Variants in SNAP25 observed in about 807,000 individuals in gnomAD.
SNAP25 encodes the protein synaptosomal-associated protein 25.
SNAP25 carries 3 observed loss-of-function variants against 28.7 expected under a neutral mutation model. The ratio of observed to expected loss-of-function variants is 0.10; its 90% CI spans 0.05 to 0.27. SNAP25 has a LOEUF of 0.27. Ranked by LOEUF, SNAP25 falls within the 10% of genes least tolerant of loss-of-function variation. The pLI, the probability that SNAP25 is intolerant of heterozygous loss-of-function variation, is 1.00. For missense variants in SNAP25, 117 were observed against 278.7 expected, an observed-to-expected ratio of 0.42 and a Z score of 4.13; for synonymous variants, 61 against 88.1, an observed-to-expected ratio of 0.69 and a Z score of 1.72.
intron 4 of SNAP25, among the ~76,000 whole-genome samples, chr20:10,289,189 C>T (rs983499865): frequency 6.6e-6 from 1 of 152,146 alleles, no homozygotes; most frequent in Non-Finnish European, 1.5e-5. Context: ...TATCGGGAGA[C>T]ACCAAGGAGC....
intron 6 of SNAP25, among the ~76,000 whole-genome samples, chr20:10,298,266 G>C (rs1300352466): frequency 1.3e-5 from 2 of 152,116 alleles, no homozygotes; most frequent in Non-Finnish European, 2.9e-5. Flanking sequence ...GTATCTCTTA[G>C]CTATTGATGA....
intron 1 of SNAP25, among the ~76,000 whole-genome samples, chr20:10,242,668 G>A (rs1269748154): frequency 6.6e-6 from 1 of 152,310 alleles, no homozygotes; most frequent in East Asian, 1.9e-4. Flanking sequence ...TGAGCTAACA[G>A]GAGGCCTGTT....
chr20:10,288,322 G>C lies in SNAP25; in HGVS notation c.163+3550G>C, dbSNP rs141767291. Among the ~76,000 whole-genome samples the C allele has an allele frequency of 6.9e-3, 1,046 of 152,082 alleles. 15 individuals are homozygous for C. The highest frequency in any genetic ancestry group is 6.6e-3 in the Non-Finnish European group (447 of 67,974). ...GTAGACTTAGGAAAGATTTAGAATA[G>C]AGCCTTTTCCCCCCGAACAATAAAG... On this transcript the variant is annotated intron_variant, in intron 4 of 7. Coordinates refer to ENST00000254976, the MANE Select transcript of SNAP25 (RefSeq NM_130811.4).
chr20:10,281,557 G>A (rs1380421371), intron 3 of SNAP25, among the ~76,000 whole-genome samples: 2 of 152,176 alleles, frequency 1.3e-5, no homozygotes, highest in South Asian at 2.1e-4. Flanking sequence ...TTACTGTAGA[G>A]GAACTTGAGG....
rs889913835 is a variant in SNAP25, at chr20:10,275,467, C to T, written c.-25C>T. The T allele has an allele frequency of 5.7e-6, 9 of 1,585,640 alleles. No homozygotes were observed. Among genetic ancestry groups the T allele is most frequent in the South Asian group, 4.6e-5 (4 of 86,832 alleles). On this transcript the variant is annotated 5_prime_UTR_variant, in exon 2 of 8. Coordinates refer to ENST00000254976, the MANE Select transcript of SNAP25 (RefSeq NM_130811.4). ...CCCGTCACTGACCCCCCAGCCCAGG[C>T]GCCCAGCCACTCCCCACCGCTACCA...
At position 10,307,327 on chromosome 20, in the gene SNAP25, G is replaced by A. The variant is rs965443535; in HGVS notation, c.*1130G>A. The stretch of plus-strand genomic sequence containing the variant: ...TGTGAGATAAATATCATTATAGCAT[G>A]TAATATTAAATTCCTCCTGTCTCCT... On this transcript the variant is annotated 3_prime_UTR_variant, in exon 8 of 8. Transcript: ENST00000254976. 1.3e-5 allele frequency: 2 copies of A among 152,608 alleles called. No individual in the cohort carries two copies. The highest frequency in any genetic ancestry group is 4.8e-5 in the African/African-American group (2 of 41,448). 9.5% of individuals were successfully genotyped at this position (152,608 alleles called of 1,614,324 possible). A position where few individuals can be genotyped will look rare whatever the true frequency, so the allele number is the denominator to read the frequency against.
chr20:10,304,114 A>C (rs183263240), intron 7 of SNAP25, among the ~76,000 whole-genome samples: 1 of 152,348 alleles, frequency 6.6e-6, no homozygotes, highest in Admixed American at 6.5e-5. Flanking sequence ...TTGAATAGTA[A>C]GTGATGAATA....
intron 7 of SNAP25, among the ~76,000 whole-genome samples, chr20:10,304,812 C>T (rs1189919193): frequency 6.6e-6 from 1 of 152,150 alleles, no homozygotes; most frequent in Admixed American, 6.5e-5. Flanking sequence ...TCACTTTTTA[C>T]TGCACTATGC....
intron 3 of SNAP25, among the ~76,000 whole-genome samples, chr20:10,282,001 A>C (rs1320995690): frequency 6.6e-6 from 1 of 152,280 alleles, no homozygotes; most frequent in South Asian, 2.1e-4. Flanking sequence ...ATTCAGAAGT[A>C]ATGACTCCCA....
intron 1 of SNAP25, among the ~76,000 whole-genome samples, chr20:10,233,546 G>A (rs1452839908): frequency 6.6e-6 from 1 of 152,152 alleles, no homozygotes; most frequent in South Asian, 2.1e-4. Flanking sequence ...GTAAAGCTGA[G>A]TTGTCTCTGG....
chr20:10,255,462 CAT>C (rs2063303902), intron 1 of SNAP25, among the ~76,000 whole-genome samples: 2 of 152,254 alleles, frequency 1.3e-5, no homozygotes, highest in South Asian at 2.1e-4. Flanking sequence ...CACACACACA[CAT>C]ACACACACAA....
intron 3 of SNAP25, among the ~76,000 whole-genome samples, chr20:10,283,503 A>G (rs1405148440): frequency 1.3e-5 from 2 of 152,240 alleles, no homozygotes; most frequent in Non-Finnish European, 2.9e-5. Flanking sequence ...AAGGCAAGGT[A>G]GGCTTTTGTG....
At chr20:10,249,071 T>C (rs2063179453) in intron 1 of SNAP25, among the ~76,000 whole-genome samples, 2 of 152,216 alleles carry the variant, frequency 1.3e-5, no homozygotes, top group African/African-American at 4.8e-5. Context: ...CATTTTCCAG[T>C]TTACTCTCAT....
At chr20:10,294,479 GA>G (rs1411702557) in intron 5 of SNAP25, among the ~76,000 whole-genome samples, 2 of 151,858 alleles carry the variant, frequency 1.3e-5, no homozygotes, top group African/African-American at 2.4e-5. Flanking sequence ...AAGAAACAAA[GA>G]AAAAAAATCA....
At chr20:10,282,212 GAAGGAAGGAAGGAAGGGA>G (rs1568614923) in intron 3 of SNAP25, among the ~76,000 whole-genome samples, 186 of 145,588 alleles carry the variant, frequency 1.3e-3, no homozygotes, top group Non-Finnish European at 2.0e-3. Flanking sequence ...AGGAAGGAAG[GAAGGAAGGAAGGAAGGGA>G]AAGGAAGGAA....
rs762926939 is a variant in SNAP25 at position 10,277,717 on chromosome 20, G to A, written c.105G>A (p.Leu35=). ...SLESTRRMLQ[L]VEESKDAGIR... ...AAAGCACCCGTCGTATGCTGCAACT[G>A]GTTGAAGAGGTAAGAAGTGACAGTA... Residue 35 remains leucine (L), a synonymous_variant, in exon 3 of 8, where the codon CTG becomes CTA. Coordinates refer to ENST00000254976, the MANE Select transcript of SNAP25 (RefSeq NM_130811.4). The A allele has an allele frequency of 4.3e-6, 7 of 1,613,528 alleles. No individual in the cohort carries two copies. In the East Asian group the frequency reaches 6.7e-5, roughly 15 times the overall value.
At chr20:10,264,918 C>CTTTTTTTTTTTTT (rs958711328) in intron 1 of SNAP25, among the ~76,000 whole-genome samples, 9 of 117,126 alleles carry the variant, frequency 7.7e-5, no homozygotes, top group African/African-American at 2.7e-4. Context: ...TCAGACCATG[C>CTTTTTTTTTTTTT]TTTTTTTTTT....
chr20:10,264,553 T>C (rs1031115013), intron 1 of SNAP25, among the ~76,000 whole-genome samples: 5 of 152,168 alleles, frequency 3.3e-5, no homozygotes, highest in Non-Finnish European at 7.4e-5. Flanking sequence ...TTATCAGATA[T>C]TGAAAACAAC....
At chr20:10,274,165 C>T (rs187816042) in intron 1 of SNAP25, among the ~76,000 whole-genome samples, 20 of 152,202 alleles carry the variant, frequency 1.3e-4, no homozygotes, top group African/African-American at 2.9e-4. Flanking sequence ...GGGCTCTCTC[C>T]GGAATAGACC....
Sources: gnomAD v4.1 joint callset for allele counts (sites outside exome capture counted in the v4.1 genomes callset) on GRCh38, gnomAD v4.1.1 for gene constraint, MANE v1.5 for transcripts, NCBI Gene and HGNC (gene_info 2026-07-23, HGNC 2026-07-21) for gene names.